SERTM1: variants seen among roughly 807,000 people sequenced by gnomAD.
SERTM1 encodes serine-rich and transmembrane domain-containing protein 1.
In SERTM1, 1 loss-of-function variant was observed where a neutral mutation model predicts 5.5. The observed-to-expected ratio is 0.18, with a 90% CI of 0.06 to 0.86. SERTM1 has a LOEUF of 0.86. Among genes scored for constraint, SERTM1 ranks in the 40% least tolerant of loss-of-function variants. SERTM1 has a pLI of 0.69. For missense variants in SERTM1, 91 were observed against 122.4 expected (o/e 0.74, Z 1.21); for synonymous variants, 52 against 55.1 (o/e 0.94, Z 0.25).
chr13:36,683,631 A>C (rs2056720381), intron 1 of SERTM1, among the ~76,000 whole-genome samples: 1 of 152,226 alleles, frequency 6.6e-6, no homozygotes, highest in African/African-American at 2.4e-5. Context: ...AGACATTGGC[A>C]GGTACTTACA....
At chr13:36,689,578 A>T (rs2056764893) in intron 1 of SERTM1, among the ~76,000 whole-genome samples, 1 of 149,856 alleles carries the variant, frequency 6.7e-6, no homozygotes, top group South Asian at 2.1e-4. Flanking sequence ...AAAGCTAAAT[A>T]AATGCAAGGG....
In SERTM1 at chr13:36,697,256, A is replaced by G. The variant is rs2056820757; in HGVS notation, c.*1854A>G. 1 of 163,666 alleles carries G rather than the reference A, an allele frequency of 6.1e-6. No individual in the cohort carries two copies. The highest frequency in any genetic ancestry group is 1.5e-5 in the Non-Finnish European group (1 of 67,636). 10.1% of individuals were successfully genotyped at this position (163,666 alleles called of 1,614,324 possible). A position where few individuals can be genotyped will look rare whatever the true frequency, so the allele number is the denominator to read the frequency against. ...ACTGCTATTTTAGAGCATTATTAGC[A>G]TTCTCTGAATATATGTATATATACA... is the stretch of plus-strand genomic sequence containing the variant. On this transcript the variant is annotated 3_prime_UTR_variant, in exon 2 of 2. Transcript: ENST00000315190.
chr13:36,680,510 A>G (rs2056698081), intron 1 of SERTM1, among the ~76,000 whole-genome samples: 1 of 152,206 alleles, frequency 6.6e-6, no homozygotes, highest in Non-Finnish European at 1.5e-5. Flanking sequence ...AGGGGGTGCT[A>G]GGCCCTCAAT....
At chr13:36,690,210 C>A (rs1044360554) in intron 1 of SERTM1, among the ~76,000 whole-genome samples, 3 of 152,142 alleles carry the variant, frequency 2.0e-5, no homozygotes, top group African/African-American at 7.2e-5. Flanking sequence ...TCTCAATGTG[C>A]GATAGCAGAT....
intron 1 of SERTM1, among the ~76,000 whole-genome samples, chr13:36,681,605 T>C (rs1310641743): frequency 1.3e-5 from 2 of 152,220 alleles, no homozygotes; most frequent in East Asian, 1.9e-4. Flanking sequence ...ACAATGATCA[T>C]GAAGTGGGGA....
chr13:36,687,933 C>A (rs1197002939), intron 1 of SERTM1, among the ~76,000 whole-genome samples: 1 of 151,812 alleles, frequency 6.6e-6, no homozygotes, highest in Non-Finnish European at 1.5e-5. Flanking sequence ...CTGAGGATAC[C>A]TAGTAGTTTA....
At chr13:36,688,502 C>G (rs2056756826) in intron 1 of SERTM1, among the ~76,000 whole-genome samples, 1 of 152,194 alleles carries the variant, frequency 6.6e-6, no homozygotes, top group South Asian at 2.1e-4. Flanking sequence ...CATAAGTCAC[C>G]ATGCCCAGCC....
intron 1 of SERTM1, among the ~76,000 whole-genome samples, chr13:36,677,635 C>A (rs2056678526): frequency 6.6e-6 from 1 of 152,162 alleles, no homozygotes; most frequent in African/African-American, 2.4e-5. Flanking sequence ...TGGAAGATGA[C>A]TGAAACCACA....
At chr13:36,685,690 C>G (rs1390618474) in intron 1 of SERTM1, among the ~76,000 whole-genome samples, 1 of 152,210 alleles carries the variant, frequency 6.6e-6, no homozygotes, top group Non-Finnish European at 1.5e-5. Flanking sequence ...TCTTGCTACA[C>G]TAGAGAACTC....
chr13:36,688,668 G>A (rs1402546276), intron 1 of SERTM1, among the ~76,000 whole-genome samples: 1 of 152,122 alleles, frequency 6.6e-6, no homozygotes. Context: ...GAGCAGGATG[G>A]GGGGAAAGAA....
At chr13:36,680,135 G>C (rs1442891266) in intron 1 of SERTM1, among the ~76,000 whole-genome samples, 1 of 152,160 alleles carries the variant, frequency 6.6e-6, no homozygotes, top group Non-Finnish European at 1.5e-5. Flanking sequence ...AGGGATAAGG[G>C]ATACTCAATC....
intron 1 of SERTM1, among the ~76,000 whole-genome samples, chr13:36,682,606 AT>A (rs1319779025): frequency 6.6e-6 from 1 of 152,152 alleles, no homozygotes; most frequent in Non-Finnish European, 1.5e-5. Flanking sequence ...GAACATAAGT[AT>A]TTTTTTAACT....
chr13:36,691,632 A>G (rs1033148691), intron 1 of SERTM1, among the ~76,000 whole-genome samples: 2 of 152,178 alleles, frequency 1.3e-5, no homozygotes, highest in African/African-American at 4.8e-5. Flanking sequence ...TCTGAGCGGA[A>G]AAAAAGCATC....
Position 36,695,307 on chromosome 13 carries a change from C to T in SERTM1, c.229C>T (p.Pro77Ser), listed in dbSNP as rs1272116257. The T allele has an allele frequency of 1.2e-6, 2 of 1,614,140 alleles. No individual in the cohort carries two copies. Among genetic ancestry groups the T allele is most frequent in the Admixed American group, 3.3e-5 (2 of 60,002 alleles). ...KNIISSSSSY[P>S]EYPSDAGSSF... ...TATCATCTCCTCCAGTTCCTCCTAC[C>T]CAGAGTATCCAAGCGACGCTGGAAG... The change falls in exon 2 of 2, where the codon CCA becomes TCA. Residue 77 changes from proline (P) to serine (S), a missense_variant. Physicochemically the swap from Pro to Ser is moderately conservative, Grantham distance 74. Coordinates refer to ENST00000315190, the MANE Select transcript of SERTM1 (RefSeq NM_203451.3).
Position 36,695,592 on chromosome 13 carries a change from A to G in SERTM1, c.*190A>G, listed in dbSNP as rs1426444174. The G allele has an allele frequency of 5.2e-5, 32 of 615,444 alleles. No homozygotes were observed. The Admixed American group carries it at 9.5e-4, about 18-fold the overall frequency. 38.1% of individuals were successfully genotyped at this position (615,444 alleles called of 1,614,324 possible). A position where few individuals can be genotyped will look rare whatever the true frequency, so the allele number is the denominator to read the frequency against. On this transcript the variant is annotated 3_prime_UTR_variant, in exon 2 of 2. Transcript: ENST00000315190. ...GGATGGAGACACCGATGTTGGTGGA[A>G]ATGTGTGCAAACCCCAAGGTGCAGA... is the stretch of plus-strand genomic sequence containing the variant.
Position 36,695,914 on chromosome 13 carries a change from G to C in SERTM1, c.*512G>C. On this transcript the variant is annotated 3_prime_UTR_variant, in exon 2 of 2. Coordinates refer to ENST00000315190, the MANE Select transcript of SERTM1 (RefSeq NM_203451.3). The stretch of plus-strand genomic sequence containing the variant: ...TAATGTATGACATTTCTAAAACTGA[G>C]GGTAAATATATGCTAAATATTTTCT... The C allele has an allele frequency of 6.0e-6, 1 of 167,512 alleles. No individual in the cohort carries two copies. Among genetic ancestry groups the C allele is most frequent in the East Asian group, 1.9e-4 (1 of 5,204 alleles). The allele number at this position is 167,512 out of a possible 1,614,324, so 10.4% of individuals were successfully genotyped here.
chr13:36,680,518 A>G (rs2056698131), intron 1 of SERTM1, among the ~76,000 whole-genome samples: 1 of 152,172 alleles, frequency 6.6e-6, no homozygotes, highest in African/African-American at 2.4e-5. Context: ...CTAGGCCCTC[A>G]ATTTGTGGTC....
At chr13:36,685,239 A>T (rs1378032987) in intron 1 of SERTM1, among the ~76,000 whole-genome samples, 2 of 152,226 alleles carry the variant, frequency 1.3e-5, no homozygotes, top group Non-Finnish European at 2.9e-5. Context: ...AACAGAGAGC[A>T]TTGGCAGGCT....
intron 1 of SERTM1, among the ~76,000 whole-genome samples, chr13:36,674,583 A>T (rs2056658343): frequency 6.6e-6 from 1 of 151,952 alleles, no homozygotes; most frequent in Non-Finnish European, 1.5e-5. Context: ...ACAGTTCTAC[A>T]CTTTGCAGAG....
Sources: allele counts gnomAD v4.1 joint callset (sites outside exome capture counted in the v4.1 genomes callset), GRCh38; gene constraint gnomAD v4.1.1; transcripts MANE v1.5; gene names NCBI Gene and HGNC (gene_info 2026-07-23, HGNC 2026-07-21).